Variants in FRYL observed in about 807,000 individuals in gnomAD.
The protein encoded by FRYL is protein furry homolog-like.
Under a neutral mutation model 351.2 loss-of-function variants are expected in FRYL, and 150 were observed. That is an observed-to-expected ratio of 0.43 (90% CI 0.37 to 0.49). The LOEUF is 0.49. Ranked by LOEUF, FRYL falls within the 20% of genes least tolerant of loss-of-function variation. The pLI is 0.00. For missense variants in FRYL, 3,036 were observed against 3,619.3 expected (o/e 0.84, Z 4.13); for synonymous variants, 1,153 against 1,257.1 (o/e 0.92, Z 1.75).
chr4:48,740,624 C>T (rs1040943625), intron 1 of FRYL, among the ~76,000 whole-genome samples: 5 of 152,042 alleles, frequency 3.3e-5, no homozygotes, highest in Admixed American at 3.3e-4. Context: ...GGGCCAGACA[C>T]ATCACCAAAG....
At chr4:48,731,564 T>C (rs1269561321) in intron 1 of FRYL, among the ~76,000 whole-genome samples, 1 of 152,176 alleles carries the variant, frequency 6.6e-6, no homozygotes, top group Non-Finnish European at 1.5e-5. Flanking sequence ...CAAAACAGCA[T>C]GGTACTGGTA....
chr4:48,654,663 T>C (rs1165361160), intron 3 of FRYL, among the ~76,000 whole-genome samples: 1 of 152,214 alleles, frequency 6.6e-6, no homozygotes, highest in Non-Finnish European at 1.5e-5. Flanking sequence ...CTTCTATTCT[T>C]AATATAGCAC....
intron 53 of FRYL, 75 bp from the exon 54 acceptor site, chr4:48,523,179 A>G: frequency 1.0e-6 from 1 of 963,382 alleles, no homozygotes; most frequent in South Asian, 1.5e-5. Flanking sequence ...ATACCAGAAA[A>G]ACATATACCA....
In FRYL at chr4:48,567,186, G is replaced by A. The variant is rs1292989341; in HGVS notation, c.3169+62C>T. 1 of 1,391,868 alleles carries A rather than the reference G, an allele frequency of 7.2e-7. No homozygotes were observed. Among genetic ancestry groups the A allele is most frequent in the Non-Finnish European group, 9.8e-7 (1 of 1,022,856 alleles). The allele number at this position is 1,391,868 out of a possible 1,614,324, so 86.2% of individuals were successfully genotyped here. ...TCAACTTAGATTATTAAACCTCAAG[G>A]AAAGAAAAAATATGACGGTTCCTTA... is the stretch of plus-strand genomic sequence containing the variant. On this transcript the variant is annotated intron_variant, in intron 28 of 63. Coordinates refer to ENST00000358350, the MANE Select transcript of FRYL (RefSeq NM_015030.2). This position sits in a 1 kb window ranked among gnomAD's most constrained non-coding sequence, Gnocchi z 4.2.
In FRYL at chr4:48,576,032, T is replaced by G. The variant is rs772422041; in HGVS notation, c.2719A>C (p.Lys907Gln). Residue 907 changes from lysine (K) to glutamine (Q), a missense_variant and splice_region_variant, in exon 24 of 64, where the codon AAA becomes CAA. Physicochemically the swap from Lys to Gln is moderately conservative, Grantham distance 53. Transcript: ENST00000358350. ...AACAGTGGATCTGAGAAACTTACTT[T>G]AGAATCAATGCTATAGCCGCTATCT... Reference protein sequence around the residue: ...TPDSGYSIDSKIIGIPSPSSL... With the variant: ...TPDSGYSIDSQIIGIPSPSSL... The G allele has an allele frequency of 6.3e-7, 1 of 1,588,056 alleles. No homozygotes were observed. The highest frequency in any genetic ancestry group is 8.6e-7 in the Non-Finnish European group (1 of 1,169,488).
chr4:48,560,181 T>G (rs1207301738), intron 33 of FRYL, among the ~76,000 whole-genome samples: 3 of 152,122 alleles, frequency 2.0e-5, no homozygotes, highest in African/African-American at 7.2e-5. Flanking sequence ...TTGCATTGAA[T>G]CTGGAGAAAG....
At chr4:48,619,244 TAC>T (rs775129171) in intron 7 of FRYL, 28 bp downstream of exon 7, 79 of 1,370,880 alleles carry the variant, frequency 5.8e-5, no homozygotes, top group Non-Finnish European at 7.9e-5. Context: ...GAATAAGGAA[TAC>T]AGACTTTGCA....
At chr4:48,684,031 T>C (rs1164884927) in intron 3 of FRYL, among the ~76,000 whole-genome samples, 3 of 152,112 alleles carry the variant, frequency 2.0e-5, no homozygotes, top group Non-Finnish European at 2.9e-5. Flanking sequence ...AGACAACCAT[T>C]TGTGTCACTG....
At chr4:48,642,316 G>C (rs547406709) in intron 3 of FRYL, among the ~76,000 whole-genome samples, 1 of 152,058 alleles carries the variant, frequency 6.6e-6, no homozygotes, top group South Asian at 2.1e-4. Flanking sequence ...AAAACCTCTT[G>C]TCTAGTATCT....
chr4:48,583,765 C>A (rs1258121046), intron 19 of FRYL, among the ~76,000 whole-genome samples: 3 of 151,778 alleles, frequency 2.0e-5, no homozygotes, highest in African/African-American at 2.4e-5. Flanking sequence ...ATTAACCAGG[C>A]GTGGTGGTGC....
chr4:48,747,945 T>A (rs1335910142), intron 1 of FRYL, among the ~76,000 whole-genome samples: 1 of 152,160 alleles, frequency 6.6e-6, no homozygotes, highest in Admixed American at 6.5e-5. Context: ...ATGGGCTTAT[T>A]TAAAAATATT....
intron 2 of FRYL, among the ~76,000 whole-genome samples, chr4:48,705,347 A>C (rs922321520): frequency 1.3e-4 from 20 of 151,972 alleles, no homozygotes; most frequent in African/African-American, 4.8e-4. Flanking sequence ...AAACAATCCA[A>C]GTCCCCATCA....
chr4:48,610,526 G>T (rs1416841736), intron 7 of FRYL, among the ~76,000 whole-genome samples: 7 of 150,568 alleles, frequency 4.6e-5, no homozygotes, highest in African/African-American at 1.7e-4. Flanking sequence ...TATTTAGAGC[G>T]CCTCCTTATA....
chr4:48,760,860 A>G (rs1377711314), intron 1 of FRYL, among the ~76,000 whole-genome samples: 2 of 151,952 alleles, frequency 1.3e-5, no homozygotes, highest in Non-Finnish European at 2.9e-5. Flanking sequence ...TATTTTTAGT[A>G]AAGACAGGGG....
intron 13 of FRYL, among the ~76,000 whole-genome samples, chr4:48,600,945 T>G (rs1439146061): frequency 6.6e-6 from 1 of 152,180 alleles, no homozygotes; most frequent in Non-Finnish European, 1.5e-5. Context: ...ATATCAACGT[T>G]TATCTAGAAG....
In FRYL at chr4:48,540,465, C is replaced by T; in HGVS notation, c.6183G>A (p.Gln2061=). The T allele has an allele frequency of 2.5e-6, 4 of 1,613,800 alleles. No homozygotes were observed. The highest frequency in any genetic ancestry group is 3.4e-6 in the Non-Finnish European group (4 of 1,179,862). Residue 2061 remains glutamine, a synonymous_variant, in exon 46 of 64, where the codon CAG becomes CAA. Transcript: ENST00000358350. ...LKWTNFPGLQ[Q]LFLKGFTSAS... is the part of the protein sequence containing the mutation. ...CTGAGGTAAAACCCTTAAGGAAGAG[C>T]TGCTGAAGTCCTGGAAAATTAGTCC...
chr4:48,733,206 T>C (rs549530578), intron 1 of FRYL, among the ~76,000 whole-genome samples: 1 of 150,966 alleles, frequency 6.6e-6, no homozygotes, highest in African/African-American at 2.4e-5. Flanking sequence ...ACTCGGGAGG[T>C]GGAGACTGCA....
At chr4:48,521,310 A>G (rs966237755) in intron 54 of FRYL, 95 bp from the exon 55 acceptor site, 4 of 856,618 alleles carry the variant, frequency 4.7e-6, no homozygotes, top group Non-Finnish European at 5.3e-6. Context: ...GCTTCGTTAT[A>G]AAGAGCTTCT....
At chr4:48,723,048 C>T (rs1345947171) in intron 1 of FRYL, among the ~76,000 whole-genome samples, 1 of 152,010 alleles carries the variant, frequency 6.6e-6, no homozygotes, top group East Asian at 1.9e-4. Flanking sequence ...TTCAACTATC[C>T]TCCTGGACAT....
Sources: allele counts gnomAD v4.1 joint callset (sites outside exome capture counted in the v4.1 genomes callset), GRCh38; gene constraint gnomAD v4.1.1; non-coding constraint Gnocchi (gnomAD v3.1); transcripts MANE v1.5; gene names NCBI Gene and HGNC (gene_info 2026-07-23, HGNC 2026-07-21).